The following NCAPD2 variants were observed in gnomAD, a reference collection of about 807,000 sequenced individuals.
NCAPD2 encodes the protein non-SMC condensin I complex subunit D2.
A neutral mutation model predicts 164.5 loss-of-function variants in NCAPD2; 100 were observed. The ratio of observed to expected loss-of-function variants is 0.61; its 90% CI spans 0.52 to 0.72. The LOEUF is 0.72. NCAPD2 is among the 30% of genes least tolerant of loss of function. NCAPD2 has a pLI of 0.00. For missense variants in NCAPD2, 1,560 were observed against 1,749.2 expected, an observed-to-expected ratio of 0.89 and a Z score of 1.93; for synonymous variants, 585 against 642.6, an observed-to-expected ratio of 0.91 and a Z score of 1.36.
rs1565547372 is a variant in NCAPD2 at position 6,528,181 on chromosome 12, T to A, written c.3152T>A (p.Phe1051Tyr). ...CCTCTTCTTGCTCTTAGTGCCACTT[T>A]CTGCGACTCCCAGCTTCGTCTTCTG... The part of the protein sequence containing the change: ...LGKFCMISAT[F>Y]CDSQLRLLFT... Residue 1051 changes from phenylalanine to tyrosine, a missense_variant, in exon 25 of 32, where the codon TTC becomes TAC. Physicochemically the swap from Phe to Tyr is conservative, Grantham distance 22. Coordinates refer to ENST00000315579, the MANE Select transcript of NCAPD2 (RefSeq NM_014865.4). The surrounding 1 kb of genome is among the most constrained non-coding windows in gnomAD (Gnocchi z 5.1). 16 of 1,614,198 alleles carry A rather than the reference T, an allele frequency of 9.9e-6. No individual in the cohort carries two copies. Among genetic ancestry groups the A allele is most frequent in the Admixed American group, 1.7e-5 (1 of 60,022 alleles).
At chr12:6,516,710 C>A in intron 9 of NCAPD2, 118 bp from the exon 10 acceptor site, 1 of 988,172 alleles carries the variant, frequency 1.0e-6, no homozygotes, top group Non-Finnish European at 1.5e-6. Context: ...TGGGATTCAG[C>A]TTTCTCCTGT....
chr12:6,522,615 C>A (rs944999729), intron 15 of NCAPD2, among the ~76,000 whole-genome samples: 1 of 152,106 alleles, frequency 6.6e-6, no homozygotes, highest in African/African-American at 2.4e-5. Flanking sequence ...GGCAGGGGTT[C>A]TTTTTTTCTG....
In NCAPD2 at chr12:6,528,247, C is replaced by G; in HGVS notation, c.3218C>G (p.Ser1073Cys). 9.3e-6 allele frequency: 15 copies of G among 1,614,114 alleles called. No homozygotes were observed. The highest frequency in any genetic ancestry group is 1.3e-5 in the Non-Finnish European group (15 of 1,180,046). Residue 1073 changes from serine to cysteine, a missense_variant, in exon 25 of 32, where the codon TCT (serine) becomes TGT (cysteine). Physicochemically the swap from Ser to Cys is moderately radical, Grantham distance 112 (BLOSUM62 -1). Coordinates refer to ENST00000315579, the MANE Select transcript of NCAPD2 (RefSeq NM_014865.4). The surrounding 1 kb of genome is among the most constrained non-coding windows in gnomAD (Gnocchi z 5.1). Reference protein sequence around the residue: ...LEKSPLPIVRSNLMVATGDLA... With the variant: ...LEKSPLPIVRCNLMVATGDLA... ...AAGTCTCCACTTCCCATTGTCCGGT[C>G]TAACCTCATGGTTGCCACTGGGGAT...
At chr12:6,504,201 A>G (rs1365185125) in intron 2 of NCAPD2, among the ~76,000 whole-genome samples, 1,370 of 22,660 alleles carry the variant, frequency 0.06, 60 homozygotes, top group Middle Eastern at 0.097. Context: ...ATATATATAT[A>G]TATATATATA....
At chr12:6,518,446 T>C (rs555827569) in intron 13 of NCAPD2, among the ~76,000 whole-genome samples, 156 of 150,982 alleles carry the variant, frequency 1.0e-3, no homozygotes, top group Non-Finnish European at 1.3e-3. Flanking sequence ...AAAAGATTTC[T>C]CCTAGTGTTT....
chr12:6,517,169 C>T (rs1946210112), intron 10 of NCAPD2, 144 bp downstream of exon 10: 3 of 1,252,802 alleles, frequency 2.4e-6, no homozygotes, highest in African/African-American at 3.0e-5. Context: ...CTTCCTCTAC[C>T]AAGGACGAGG....
chr12:6,519,631 T>C (rs924100853), intron 13 of NCAPD2, among the ~76,000 whole-genome samples: 1 of 152,082 alleles, frequency 6.6e-6, no homozygotes, highest in Non-Finnish European at 1.5e-5. Context: ...TTCCCCCTTT[T>C]ATATGACTGA....
intron 13 of NCAPD2, among the ~76,000 whole-genome samples, chr12:6,518,590 G>A (rs1195577934): frequency 7.7e-6 from 1 of 129,468 alleles, no homozygotes; most frequent in Non-Finnish European, 1.5e-5. Flanking sequence ...ACACGATCTT[G>A]GCTCACTGCA....
At chr12:6,527,645 C>G in intron 22 of NCAPD2, 132 bp from the exon 23 acceptor site, 1 of 797,250 alleles carries the variant, frequency 1.3e-6, no homozygotes, top group Non-Finnish European at 2.1e-6. Context: ...TCTTTACAGA[C>G]ACATTTGACA....
rs562323013 is a variant in NCAPD2, at chr12:6,526,329, G to A, written c.2524G>A (p.Glu842Lys). 11 of 1,614,146 alleles carry A rather than the reference G, an allele frequency of 6.8e-6. No homozygotes were observed. Among genetic ancestry groups the A allele is most frequent in the Middle Eastern group, 3.3e-4 (2 of 6,062 alleles). ...KRHPPFRLPQEHRLFERLRET... is the reference protein window; with the variant it reads ...KRHPPFRLPQKHRLFERLRET... ...TCACCCCCCCTTCCGGCTGCCTCAG[G>A]AACACAGGTTGTTTGAGCGACTGCG... The change falls in exon 20 of 32, where the codon GAA (glutamate) becomes AAA (lysine). Residue 842 changes from glutamate to lysine, a missense_variant. Physicochemically the swap from Glu to Lys is moderately conservative, Grantham distance 56. Transcript: ENST00000315579.
intron 6 of NCAPD2, among the ~76,000 whole-genome samples, chr12:6,513,341 G>T (rs935501582): frequency 6.6e-6 from 1 of 152,146 alleles, no homozygotes; most frequent in African/African-American, 2.4e-5. Context: ...AGGAGTTTGA[G>T]ATCAGCCTGG....
At chr12:6,509,428 A>T (rs554167616) in intron 2 of NCAPD2, among the ~76,000 whole-genome samples, 24 of 151,758 alleles carry the variant, frequency 1.6e-4, no homozygotes, top group Non-Finnish European at 2.8e-4. Context: ...CACCCAGCCA[A>T]TTTTTTGTAT....
At chr12:6,513,735 T>TTGG (rs1343281456) in intron 6 of NCAPD2, among the ~76,000 whole-genome samples, 1 of 92,820 alleles carries the variant, frequency 1.1e-5, no homozygotes, top group Non-Finnish European at 2.2e-5. Context: ...TTTTTTTTTG[T>TTGG]GATGGAGTCT....
chr12:6,518,518 T>TTGTTTTTTTTTTTTTG, intron 13 of NCAPD2, among the ~76,000 whole-genome samples: 1 of 112,972 alleles, frequency 8.9e-6, no homozygotes, highest in African/African-American at 3.8e-5. Context: ...TTTTTTTTTT[T>TTGTTTTTTTTTTTTTG]TTTTTTTTTT....
At position 6,511,197 on chromosome 12, in the gene NCAPD2, C is replaced by G; in HGVS notation, c.532C>G (p.Gln178Glu). The G allele has an allele frequency of 6.2e-7, 1 of 1,614,200 alleles. No homozygotes were observed. The highest frequency in any genetic ancestry group is 2.2e-5 in the East Asian group (1 of 44,886). ...TCTTCAGCTTTTAACACAGCTACTT[C>G]AGTTGGACATCCGTCACCTGTGGAA... ...PILQLLTQLL[Q>E]LDIRHLWNHS... is the part of the protein sequence containing the mutation. The change falls in exon 6 of 32, where the codon CAG (glutamine) becomes GAG (glutamate). Residue 178 changes from glutamine (Q) to glutamate (E), a missense_variant. Physicochemically the swap from Gln to Glu is conservative, Grantham distance 29 (BLOSUM62 2). Coordinates refer to ENST00000315579, the MANE Select transcript of NCAPD2 (RefSeq NM_014865.4).
At position 6,521,914 on chromosome 12, in the gene NCAPD2, A is replaced by C; in HGVS notation, c.1831A>C (p.Asn611His). The part of the protein sequence containing the change: ...NMSDPEESRG[N>H]DELVKQEMLV... ...GTCGGATCCTGAGGAATCCAGGGGA[A>C]ATGATGAACTAGTGAAGCAGGAGAT... Residue 611 changes from asparagine to histidine, a missense_variant, in exon 15 of 32, where the codon AAT becomes CAT. Transcript: ENST00000315579. 7 of 1,614,154 alleles carry C rather than the reference A, an allele frequency of 4.3e-6. No individual in the cohort carries two copies. The highest frequency in any genetic ancestry group is 5.9e-6 in the Non-Finnish European group (7 of 1,180,028).
In NCAPD2 at chr12:6,510,645, C is replaced by G. The variant is rs367995556; in HGVS notation, c.279C>G (p.Ser93=). ...CCCTCACAGTGGTATCCCGCCACTC[C>G]CAGGAGCTTCCAGCTATCCTGGATG... ...QFLIKVVSRH[S]QELPAILDDT... The change falls in exon 5 of 32, where the codon TCC becomes TCG. Residue 93 remains serine, a synonymous_variant. Coordinates refer to ENST00000315579, the MANE Select transcript of NCAPD2 (RefSeq NM_014865.4). The G allele has an allele frequency of 9.7e-5, 156 of 1,613,992 alleles. No individual in the cohort carries two copies. Among genetic ancestry groups the G allele is most frequent in the Middle Eastern group, 3.3e-4 (2 of 6,084 alleles).
intron 2 of NCAPD2, among the ~76,000 whole-genome samples, chr12:6,498,911 C>T (rs1946008588): frequency 6.6e-6 from 1 of 151,964 alleles, no homozygotes; most frequent in African/African-American, 2.4e-5. Flanking sequence ...GCCTGTTTAA[C>T]AATAATATTA....
At chr12:6,504,216 T>C (rs960971227) in intron 2 of NCAPD2, among the ~76,000 whole-genome samples, 861 of 22,324 alleles carry the variant, frequency 0.039, 20 homozygotes, top group Non-Finnish European at 0.046. Flanking sequence ...TATATATATA[T>C]AGATATAGAT....
Sources: allele counts gnomAD v4.1 joint callset (sites outside exome capture counted in the v4.1 genomes callset), GRCh38; gene constraint gnomAD v4.1.1; non-coding constraint Gnocchi (gnomAD v3.1); transcripts MANE v1.5; gene names NCBI Gene and HGNC (gene_info 2026-07-23, HGNC 2026-07-21).